Variants in AKAP6 observed in about 807,000 individuals in gnomAD.
AKAP6 encodes the protein A-kinase anchoring protein 6.
Under a neutral mutation model 188.5 loss-of-function variants are expected in AKAP6, and 58 were observed. The observed-to-expected ratio is 0.31, with a 90% CI of 0.25 to 0.38. The LOEUF (loss-of-function observed/expected upper bound fraction) is 0.38. Among genes scored for constraint, AKAP6 ranks in the 10% least tolerant of loss-of-function variants. The pLI is 1.00. For synonymous variants in AKAP6, 989 were observed against 998.6 expected, an observed-to-expected ratio of 0.99 and a Z score of 0.18; for missense variants, 2,710 against 2,740.0, an observed-to-expected ratio of 0.99 and a Z score of 0.24.
chr14:32,383,690 T>C (rs976863220), intron 1 of AKAP6, among the ~76,000 whole-genome samples: 3 of 152,210 alleles, frequency 2.0e-5, no homozygotes, highest in African/African-American at 7.2e-5. Context: ...ATACATTTGC[T>C]TTTCCTTGGT....
At chr14:32,368,319 C>T (rs1180506391) in intron 1 of AKAP6, among the ~76,000 whole-genome samples, 2 of 152,172 alleles carry the variant, frequency 1.3e-5, no homozygotes, top group Admixed American at 6.5e-5. Flanking sequence ...TTATTAATTG[C>T]ATCTCAGGTG....
intron 7 of AKAP6, chr14:32,616,927 C>T (rs535027894): frequency 6.6e-6 from 1 of 152,100 alleles, no homozygotes; most frequent in Non-Finnish European, 1.5e-5. Context: ...TAACTGAAAA[C>T]CTGGGGGCTT....
intron 11 of AKAP6, among the ~76,000 whole-genome samples, chr14:32,742,491 A>T (rs1246356676): frequency 6.6e-6 from 1 of 151,274 alleles, no homozygotes; most frequent in South Asian, 2.1e-4. Flanking sequence ...TCTTTTTTTG[A>T]TGTAGGCACT....
chr14:32,658,468 T>C (rs1170175085), intron 7 of AKAP6, among the ~76,000 whole-genome samples: 2 of 152,162 alleles, frequency 1.3e-5, no homozygotes, highest in Admixed American at 6.6e-5. Flanking sequence ...GTCATAACTT[T>C]GCAGTTTTTT....
intron 9 of AKAP6, among the ~76,000 whole-genome samples, chr14:32,721,046 A>G (rs187890931): frequency 7.9e-5 from 12 of 152,300 alleles, no homozygotes; most frequent in Non-Finnish European, 1.5e-4. Context: ...TCCTTCCTAC[A>G]TTGCATACTC....
rs540273434 is a variant in AKAP6 at position 32,811,927 on chromosome 14, C to T, written c.3589-9475C>T. ...ACAGGAAAATTCGTATGTTAGAAAACTTCACTTGTTTACATGACTATTCAC... is the reference window on the plus strand; with the variant it reads ...ACAGGAAAATTCGTATGTTAGAAAATTTCACTTGTTTACATGACTATTCAC... On this transcript the variant is annotated intron_variant, in intron 12 of 13. Transcript: ENST00000280979. Among the ~76,000 whole-genome samples, 20 of 152,304 alleles carry T rather than the reference C, an allele frequency of 1.3e-4. No individual in the cohort carries two copies. In the East Asian group the frequency reaches 3.9e-3, roughly 29 times the overall value.
chr14:32,666,890 A>T (rs1271892015), intron 7 of AKAP6, among the ~76,000 whole-genome samples: 1 of 152,132 alleles, frequency 6.6e-6, no homozygotes, highest in Non-Finnish European at 1.5e-5. Context: ...TCCTCTACTC[A>T]TGTAACTAGC....
intron 7 of AKAP6, among the ~76,000 whole-genome samples, chr14:32,624,827 A>G (rs1303102680): frequency 6.6e-6 from 1 of 152,158 alleles, no homozygotes; most frequent in African/African-American, 2.4e-5. Context: ...CAAGCTTAAA[A>G]TTTATTTTAT....
chr14:32,653,155 T>C (rs1021804947), intron 7 of AKAP6, among the ~76,000 whole-genome samples: 2 of 152,194 alleles, frequency 1.3e-5, no homozygotes, highest in Admixed American at 6.5e-5. Context: ...CTCAATTAGT[T>C]GGCATATATG....
At chr14:32,492,367 G>GAGAGAGAGAGAC (rs1880076486) in intron 2 of AKAP6, among the ~76,000 whole-genome samples, 1 of 102,744 alleles carries the variant, frequency 9.7e-6, no homozygotes, top group East Asian at 3.1e-4. Context: ...GAGAGAGAGA[G>GAGAGAGAGAGAC]AGAGAGAGAG....
At chr14:32,815,339 T>C (rs2034350529) in intron 12 of AKAP6, among the ~76,000 whole-genome samples, 1 of 152,194 alleles carries the variant, frequency 6.6e-6, no homozygotes. Context: ...CTGAGACAAG[T>C]TACTTTAACA....
At chr14:32,455,597 CA>C (rs1891123080) in intron 2 of AKAP6, among the ~76,000 whole-genome samples, 1 of 152,142 alleles carries the variant, frequency 6.6e-6, no homozygotes, top group African/African-American at 2.4e-5. Flanking sequence ...ATAATTTACT[CA>C]AAATCCTGAG....
chr14:32,339,839 C>A (rs189839515), intron 1 of AKAP6, among the ~76,000 whole-genome samples: 1 of 152,082 alleles, frequency 6.6e-6, no homozygotes, highest in Non-Finnish European at 1.5e-5. Context: ...TTAAGAGAGC[C>A]TAATTCTATA....
chr14:32,793,480 C>T (rs1435570508), intron 12 of AKAP6, among the ~76,000 whole-genome samples: 1 of 151,816 alleles, frequency 6.6e-6, no homozygotes, highest in South Asian at 2.1e-4. Flanking sequence ...AGCTAACTAT[C>T]CTAAATATAT....
At chr14:32,696,255 T>G (rs1890398745) in intron 9 of AKAP6, 145 bp downstream of exon 9, 9 of 1,095,040 alleles carry the variant, frequency 8.2e-6, no homozygotes, top group Non-Finnish European at 1.1e-5. Flanking sequence ...CCAAACTCAT[T>G]TCCATCCCTT....
chr14:32,526,611 C>A (rs2139082103), intron 2 of AKAP6, among the ~76,000 whole-genome samples: 1 of 152,300 alleles, frequency 6.6e-6, no homozygotes, highest in Non-Finnish European at 1.5e-5. Flanking sequence ...AACTCCTGGG[C>A]TCAAGGGGTC....
In AKAP6 at chr14:32,833,965, CACTT is replaced by C. The variant is rs2034847295; in HGVS notation, c.*4161_*4164del. On this transcript the variant is annotated 3_prime_UTR_variant, in exon 14 of 14. Transcript: ENST00000280979. ...TTTACTTCATCTCTGTATACACACA[CACTT>C]TTTTGTATGATTAAATCATTTGAAA... is the stretch of plus-strand genomic sequence containing the variant. The C allele has an allele frequency of 6.6e-6, 1 of 152,200 alleles. No homozygotes were observed. The highest frequency in any genetic ancestry group is 1.5e-5 in the Non-Finnish European group (1 of 68,036). The allele number at this position is 152,200 out of a possible 1,614,324, so 9.4% of individuals were successfully genotyped here. A position where few individuals can be genotyped will look rare whatever the true frequency, so the allele number is the denominator to read the frequency against.
intron 7 of AKAP6, among the ~76,000 whole-genome samples, chr14:32,610,172 CA>C (rs754621539): frequency 4.6e-5 from 7 of 152,110 alleles, no homozygotes; most frequent in Non-Finnish European, 7.4e-5. Flanking sequence ...CCTTTACTGA[CA>C]AAAAAACTTA....
chr14:32,466,029 C>A (rs977416230), intron 2 of AKAP6, among the ~76,000 whole-genome samples: 9 of 152,170 alleles, frequency 5.9e-5, no homozygotes, highest in African/African-American at 1.9e-4. Context: ...TAATGAGATA[C>A]CACCTCACAC....
Sources: gnomAD v4.1 joint callset for allele counts (sites outside exome capture counted in the v4.1 genomes callset) on GRCh38, gnomAD v4.1.1 for gene constraint, MANE v1.5 for transcripts, NCBI Gene and HGNC (gene_info 2026-07-23, HGNC 2026-07-21) for gene names.